MEIKIN: variants seen among roughly 807,000 people sequenced by gnomAD.
MEIKIN encodes the protein meiosis-specific kinetochore protein.
At chr5:131,910,872 A>T (rs1177102206) in intron 8 of MEIKIN, among the ~76,000 whole-genome samples, 5 of 152,110 alleles carry the variant, frequency 3.3e-5, no homozygotes, top group Non-Finnish European at 5.9e-5. Flanking sequence ...ATTCTGCCCT[A>T]CCACCAAGCT....
intron 11 of MEIKIN, among the ~76,000 whole-genome samples, chr5:131,839,685 G>A (rs1348625989): frequency 6.6e-6 from 1 of 152,000 alleles, no homozygotes; most frequent in African/African-American, 2.4e-5. Context: ...GCTTTTTTCT[G>A]TTTTCCATTT....
At chr5:131,920,697 A>ATT (rs59138710) in intron 6 of MEIKIN, among the ~76,000 whole-genome samples, 7 of 142,132 alleles carry the variant, frequency 4.9e-5, no homozygotes, top group Admixed American at 7.1e-5. Flanking sequence ...GCATAACTTC[A>ATT]TTTTTTTTTT....
At chr5:131,871,139 C>G (rs1750485383) in intron 9 of MEIKIN, among the ~76,000 whole-genome samples, 1 of 152,164 alleles carries the variant, frequency 6.6e-6, no homozygotes, top group Non-Finnish European at 1.5e-5. Context: ...CTGGGGTGTG[C>G]CAGATAGTGG....
rs1751552066 is a variant in MEIKIN, at chr5:131,924,117, T to TA, written c.479-2177dup. 3.3e-5 allele frequency among the ~76,000 whole-genome samples: 5 copies of TA among 152,192 alleles called. No individual in the cohort carries two copies. In the South Asian group the frequency reaches 1.0e-3, roughly 32 times the overall value. ...TGTGACTGGCTTATTTCATTTAACA[T>TA]AATGTCCTCAAGGTTCATCCATGTT... On this transcript the variant is annotated intron_variant, in intron 5 of 12. Coordinates refer to ENST00000442687, the MANE Select transcript of MEIKIN (RefSeq NM_001303622.2).
Position 131,818,869 on chromosome 5 carries a change from A to G in MEIKIN, c.976-6T>C, listed in dbSNP as rs1749421393. 5.0e-6 allele frequency: 2 copies of G among 397,478 alleles called. No homozygotes were observed. Among genetic ancestry groups the G allele is most frequent in the Admixed American group, 8.8e-5 (2 of 22,690 alleles). The allele number at this position is 397,478 out of a possible 1,614,324, so 24.6% of individuals were successfully genotyped here. ...TCTGATGCATTTGCAGGAAACTGGA[A>G]AAGAAAAAAAGCAGATATTGCATAA... On this transcript the variant is annotated splice_region_variant and splice_polypyrimidine_tract_variant and intron_variant, in intron 11 of 12. Transcript: ENST00000442687.
chr5:131,912,629 G>A (rs1751349180), intron 7 of MEIKIN, among the ~76,000 whole-genome samples: 1 of 152,116 alleles, frequency 6.6e-6, no homozygotes, highest in Non-Finnish European at 1.5e-5. Context: ...TCAGTAAACA[G>A]AAACAATTTT....
At chr5:131,892,748 T>C (rs934068231) in intron 8 of MEIKIN, among the ~76,000 whole-genome samples, 17 of 152,242 alleles carry the variant, frequency 1.1e-4, no homozygotes, top group African/African-American at 4.1e-4. Flanking sequence ...CTTTGTTCCA[T>C]TGCTGGTGAG....
At chr5:131,898,692 A>G (rs1276941697) in intron 8 of MEIKIN, among the ~76,000 whole-genome samples, 1 of 152,256 alleles carries the variant, frequency 6.6e-6, no homozygotes, top group Non-Finnish European at 1.5e-5. Context: ...ATGCTGCGCT[A>G]GCAGTGAGCA....
At chr5:131,880,803 G>GC (rs1325676839) in intron 8 of MEIKIN, among the ~76,000 whole-genome samples, 4 of 152,164 alleles carry the variant, frequency 2.6e-5, no homozygotes, top group Admixed American at 1.3e-4. Flanking sequence ...CACTACAGAG[G>GC]CTAATAGGGT....
rs200874843 is a variant in MEIKIN at position 131,850,056 on chromosome 5, A to C, written c.975+1208T>G. 1.9e-3 allele frequency among the ~76,000 whole-genome samples: 160 copies of C among 84,520 alleles called. 1 individual carries two copies. Among genetic ancestry groups the C allele is most frequent in the African/African-American group, 4.4e-3 (150 of 34,196 alleles). 55.4% of individuals were successfully genotyped at this position (84,520 alleles called of 152,430 possible). A position where few individuals can be genotyped will look rare whatever the true frequency, so the allele number is the denominator to read the frequency against. ...ATTTGAAAAGAAATTACCAAAAAAAACAAAAAAAAAGAAAATAAATTACAA... is the reference window on the plus strand; with the variant it reads ...ATTTGAAAAGAAATTACCAAAAAAACCAAAAAAAAAGAAAATAAATTACAA... On this transcript the variant is annotated intron_variant, in intron 11 of 12. Transcript: ENST00000442687.
At chr5:131,809,092 C>G (rs1054565857) in intron 12 of MEIKIN, among the ~76,000 whole-genome samples, 1 of 151,938 alleles carries the variant, frequency 6.6e-6, no homozygotes, top group African/African-American at 2.4e-5. Flanking sequence ...CACATATATA[C>G]CTCTATTGGG....
At chr5:131,908,556 A>C (rs1248643295) in intron 8 of MEIKIN, among the ~76,000 whole-genome samples, 3 of 152,194 alleles carry the variant, frequency 2.0e-5, no homozygotes, top group Non-Finnish European at 4.4e-5. Flanking sequence ...ATTATTCAAC[A>C]TAGTATCGGA....
rs534587424 is a variant in MEIKIN, at chr5:131,867,957, AG to A, written c.774+11020del. Among the ~76,000 whole-genome samples, 13 of 152,354 alleles carry A rather than the reference AG, an allele frequency of 8.5e-5. No individual in the cohort carries two copies. The South Asian group carries it at 2.7e-3, about 32-fold the overall frequency. ...TAAAAATCATGAAACCATTTTCCAA[AG>A]TGACTGTATCATTTTGCATTCTCAG... On this transcript the variant is annotated intron_variant, in intron 9 of 12. Coordinates refer to ENST00000442687, the MANE Select transcript of MEIKIN (RefSeq NM_001303622.2).
At chr5:131,928,190 A>C (rs1751624161) in intron 5 of MEIKIN, among the ~76,000 whole-genome samples, 1 of 151,880 alleles carries the variant, frequency 6.6e-6, no homozygotes, top group Admixed American at 6.6e-5. Context: ...TGTAGACATC[A>C]CATCATTAGG....
intron 11 of MEIKIN, among the ~76,000 whole-genome samples, chr5:131,833,116 T>C (rs562543607): frequency 5.3e-5 from 8 of 152,368 alleles, no homozygotes; most frequent in African/African-American, 1.9e-4. Flanking sequence ...CAAACTTTTA[T>C]GCCGTTTCTC....
intron 12 of MEIKIN, among the ~76,000 whole-genome samples, chr5:131,812,831 T>C (rs183973564): frequency 6.6e-6 from 1 of 151,954 alleles, no homozygotes; most frequent in Non-Finnish European, 1.5e-5. Flanking sequence ...ACTCCCAGGG[T>C]GAACCTTTAG....
rs373219717 is a variant in MEIKIN at position 131,868,068 on chromosome 5, T to C, written c.774+10910A>G. Among the ~76,000 whole-genome samples, 33 of 152,324 alleles carry C rather than the reference T, an allele frequency of 2.2e-4. No individual in the cohort carries two copies. In the East Asian group the frequency reaches 5.2e-3, roughly 24 times the overall value. On this transcript the variant is annotated intron_variant, in intron 9 of 12. Coordinates refer to ENST00000442687, the MANE Select transcript of MEIKIN (RefSeq NM_001303622.2). The stretch of plus-strand genomic sequence containing the variant: ...TTTGGATTTTGGCCATTCTAATAGG[T>C]GTGTAATAATAACTCGCTGTTGCTG...
intron 8 of MEIKIN, among the ~76,000 whole-genome samples, chr5:131,891,349 T>C (rs1172860089): frequency 6.6e-6 from 1 of 152,212 alleles, no homozygotes; most frequent in East Asian, 1.9e-4. Flanking sequence ...TGTGTGGGAA[T>C]CTAAGTCTCT....
At chr5:131,920,032 TG>T (rs1371869643) in intron 6 of MEIKIN, among the ~76,000 whole-genome samples, 1 of 152,192 alleles carries the variant, frequency 6.6e-6, no homozygotes, top group East Asian at 1.9e-4. Flanking sequence ...TACATAACTT[TG>T]GAAAATTAGT....
Sources: allele counts gnomAD v4.1 joint callset (sites outside exome capture counted in the v4.1 genomes callset), GRCh38; gene constraint gnomAD v4.1.1; transcripts MANE v1.5; gene names NCBI Gene and HGNC (gene_info 2026-07-23, HGNC 2026-07-21).